MTUS1: variants seen among roughly 807,000 people sequenced by gnomAD.
MTUS1 encodes the protein microtubule associated scaffold protein 1, also known as microtubule-associated tumor suppressor 1.
MTUS1 carries 109 observed loss-of-function variants against 120.8 expected under a neutral mutation model. That is an observed-to-expected ratio of 0.90 (90% CI 0.77 to 1.06). The LOEUF (loss-of-function observed/expected upper bound fraction) is 1.06, where lower values mean the gene tolerates loss of function less well. MTUS1 is among the 50% of genes least tolerant of loss of function. The pLI, the probability that MTUS1 is intolerant of heterozygous loss-of-function variation, is 0.00. For missense variants in MTUS1, 2,210 were observed against 1,486.3 expected, an observed-to-expected ratio of 1.49 and a Z score of -8.01; for synonymous variants, 737 against 550.5, an observed-to-expected ratio of 1.34 and a Z score of -4.74.
intron 13 of MTUS1, 134 bp from the exon 14 acceptor site, chr8:17,647,213 T>C (rs777333975): frequency 9.5e-5 from 63 of 660,808 alleles, no homozygotes; most frequent in Non-Finnish European, 1.5e-4. Context: ...AAAATATTTA[T>C]ACACTAACAA....
At chr8:17,699,874 A>G (rs977671717) in intron 6 of MTUS1, among the ~76,000 whole-genome samples, 4 of 152,200 alleles carry the variant, frequency 2.6e-5, no homozygotes, top group Non-Finnish European at 5.9e-5. Context: ...TAACTGGATA[A>G]GCAATTACTT....
chr8:17,652,698 T>C (rs1458241810), intron 12 of MTUS1, among the ~76,000 whole-genome samples: 3 of 151,984 alleles, frequency 2.0e-5, no homozygotes, highest in Non-Finnish European at 4.4e-5. Flanking sequence ...TAGCTGGCCA[T>C]GGTGATGCGT....
chr8:17,658,740 G>A (rs1024081284), intron 8 of MTUS1, among the ~76,000 whole-genome samples: 20 of 152,136 alleles, frequency 1.3e-4, no homozygotes, highest in East Asian at 3.8e-4. Flanking sequence ...CCTAAGGAAC[G>A]TGAAAATGGC....
At position 17,649,833 on chromosome 8, in the gene MTUS1, G is replaced by T. The variant is rs1279254764; in HGVS notation, c.3501+13C>A. The T allele has an allele frequency of 7.2e-7, 1 of 1,398,284 alleles. No individual in the cohort carries two copies. The highest frequency in any genetic ancestry group is 1.0e-6 in the Non-Finnish European group (1 of 984,204). The allele number at this position is 1,398,284 out of a possible 1,614,324, so 86.6% of individuals were successfully genotyped here. ...CATTTGTAAGATCCTCTTTCATTCT[G>T]AAGGAAACATACCAGTTTCTCCATT... is the stretch of plus-strand genomic sequence containing the variant. On this transcript the variant is annotated intron_variant, in intron 13 of 14. Coordinates refer to ENST00000693296, the MANE Select transcript of MTUS1 (RefSeq NM_001363059.2).
intron 3 of MTUS1, among the ~76,000 whole-genome samples, chr8:17,736,603 G>C (rs1165507404): frequency 6.6e-6 from 1 of 150,566 alleles, no homozygotes; most frequent in African/African-American, 2.5e-5. Flanking sequence ...TGTTTTTTTT[G>C]AGATGGGGTC....
chr8:17,795,578 A>T (rs2052157122), intron 1 of MTUS1, among the ~76,000 whole-genome samples: 1 of 152,086 alleles, frequency 6.6e-6, no homozygotes, highest in Admixed American at 6.6e-5. Flanking sequence ...TCTAGGTTAG[A>T]ATGAGGGTAA....
At chr8:17,760,055 TC>T (rs11345931) in intron 1 of MTUS1, among the ~76,000 whole-genome samples, 28,227 of 142,668 alleles carry the variant, frequency 0.2, 3,261 homozygotes, top group South Asian at 0.49. Flanking sequence ...CGATTTCTTT[TC>T]TTTTTTTTTT....
rs201091356 is a variant in MTUS1 at position 17,755,053 on chromosome 8, T to C, written c.755A>G (p.Gln252Arg). ...TYTAFSDVVM[Q>R]SEVFVSDIGN... ...AATATCTGAAACAAAAACCTCACTT[T>C]GCATCACCACATCAGAAAATGCTGT... Residue 252 changes from glutamine to arginine, a missense_variant, in exon 2 of 15, where the codon CAA (glutamine) becomes CGA (arginine). Physicochemically the swap from Gln to Arg is conservative, Grantham distance 43. Transcript: ENST00000693296. The C allele has an allele frequency of 8.7e-6, 14 of 1,613,862 alleles. No homozygotes were observed. The highest frequency in any genetic ancestry group is 1.3e-5 in the African/African-American group (1 of 75,068).
At chr8:17,652,502 T>G (rs4497007) in intron 12 of MTUS1, among the ~76,000 whole-genome samples, 3,723 of 151,510 alleles carry the variant, frequency 0.025, 145 homozygotes, top group African/African-American at 0.084. Flanking sequence ...TTTGGGGGAA[T>G]GGGGAGTGAC....
At chr8:17,656,729 G>T (rs1162181212) in intron 8 of MTUS1, among the ~76,000 whole-genome samples, 1 of 151,992 alleles carries the variant, frequency 6.6e-6, no homozygotes, top group Non-Finnish European at 1.5e-5. Context: ...CTCCCAGCCA[G>T]CCAGTGTGGT....
rs576304406 is a variant in MTUS1, at chr8:17,698,543, G to C, written c.2624-14001C>G. Among the ~76,000 whole-genome samples the C allele has an allele frequency of 1.7e-3, 265 of 152,232 alleles. 4 individuals carry two copies. The highest frequency in any genetic ancestry group is 6.2e-3 in the African/African-American group (259 of 41,556). On this transcript the variant is annotated intron_variant, in intron 6 of 14. Coordinates refer to ENST00000693296, the MANE Select transcript of MTUS1 (RefSeq NM_001363059.2). Reference sequence around the variant, plus strand: ...AATGTTTTAAAAATGTCCTATGCCTGTTTCCAAGATTTCCTAGAAAATAAG... The same window carrying C: ...AATGTTTTAAAAATGTCCTATGCCTCTTTCCAAGATTTCCTAGAAAATAAG...
At chr8:17,737,738 C>A (rs539359956) in intron 3 of MTUS1, among the ~76,000 whole-genome samples, 1 of 152,202 alleles carries the variant, frequency 6.6e-6, no homozygotes, top group Non-Finnish European at 1.5e-5. Context: ...CCTCCCACTT[C>A]ATCCTCCCTA....
chr8:17,675,245 T>C lies in MTUS1; in HGVS notation c.2846A>G (p.Glu949Gly). The change falls in exon 8 of 15, where the codon GAA becomes GGA. Residue 949 changes from glutamate to glycine, a missense_variant. Glu to Gly is a moderately conservative substitution (Grantham distance 98). Transcript: ENST00000693296. ...VIQHLLSERE[E>G]ALKQHKTLSQ... is the part of the protein sequence containing the mutation. ...TAGGGTTTTGTGTTGTTTCAGTGCTTCCTCCCGCTGCGGAAAACACACATC... is the reference window on the plus strand; with the variant it reads ...TAGGGTTTTGTGTTGTTTCAGTGCTCCCTCCCGCTGCGGAAAACACACATC... The C allele has an allele frequency of 6.2e-7, 1 of 1,614,058 alleles. No individual in the cohort carries two copies. The highest frequency in any genetic ancestry group is 8.5e-7 in the Non-Finnish European group (1 of 1,179,974).
intron 6 of MTUS1, among the ~76,000 whole-genome samples, chr8:17,712,931 T>A (rs978907516): frequency 6.6e-6 from 1 of 152,216 alleles, no homozygotes; most frequent in African/African-American, 2.4e-5. Context: ...GCATTGATCT[T>A]GGGGGAAGTA....
Position 17,713,265 on chromosome 8 carries a change from A to G in MTUS1, c.2585-13T>C. ...TTTCTCGAAGGACCTAAGATATAAA[A>G]GAAACATGTAAAATACATATGTTTT... On this transcript the variant is annotated splice_polypyrimidine_tract_variant and intron_variant, in intron 5 of 14. Coordinates refer to ENST00000693296, the MANE Select transcript of MTUS1 (RefSeq NM_001363059.2). 1 of 1,467,930 alleles carries G rather than the reference A, an allele frequency of 6.8e-7. No individual in the cohort carries two copies. The highest frequency in any genetic ancestry group is 1.2e-5 in the South Asian group (1 of 86,152). The allele number at this position is 1,467,930 out of a possible 1,614,324, so 90.9% of individuals were successfully genotyped here.
At position 17,647,002 on chromosome 8, in the gene MTUS1, G is replaced by C. The variant is rs1042536245; in HGVS notation, c.3579C>G (p.Asp1193Glu). 38 of 1,613,640 alleles carry C rather than the reference G, an allele frequency of 2.4e-5. No homozygotes were observed. Among genetic ancestry groups the C allele is most frequent in the Non-Finnish European group, 3.1e-5 (37 of 1,179,778 alleles). The change falls in exon 14 of 15, where the codon GAC becomes GAG. Residue 1193 changes from aspartate (D) to glutamate (E), a missense_variant. Transcript: ENST00000693296. ...TTTACCTTGAGATTGCCATGTGCTT[G>C]TCCATCCGAGCTTTCAATTCTTCAT... ...QENEELKARM[D>E]KHMAISRQLS...
In MTUS1 at chr8:17,723,688, G is replaced by C. The variant is rs888740148; in HGVS notation, c.2433C>G (p.Ser811Arg). The change falls in exon 4 of 15, where the codon AGC becomes AGG. Residue 811 changes from serine to arginine, a missense_variant. Physicochemically the swap from Ser to Arg is moderately radical, Grantham distance 110 (BLOSUM62 -1). Transcript: ENST00000693296. ...PSIASTHSELSTYSNNSGNAA... is the reference protein window; with the variant it reads ...PSIASTHSELRTYSNNSGNAA... ...TCGACTTACAATTGTTGCTGTAAGT[G>C]CTCAGCTCACTGTGGGTGCTGGCTA... is the stretch of plus-strand genomic sequence containing the variant. 2.5e-6 allele frequency: 4 copies of C among 1,610,588 alleles called. No individual in the cohort carries two copies. Among genetic ancestry groups the C allele is most frequent in the Non-Finnish European group, 3.4e-6 (4 of 1,177,552 alleles).
chr8:17,720,120 A>C (rs2045713230), intron 4 of MTUS1, among the ~76,000 whole-genome samples: 2 of 152,132 alleles, frequency 1.3e-5, no homozygotes, highest in South Asian at 2.1e-4. Context: ...AGACGCAGGC[A>C]TATCACTTGT....
At chr8:17,799,525 G>T (rs896659777) in intron 1 of MTUS1, among the ~76,000 whole-genome samples, 1 of 152,056 alleles carries the variant, frequency 6.6e-6, no homozygotes, top group Non-Finnish European at 1.5e-5. Context: ...AGCAAGCACG[G>T]ATTACTTTTG....
Sources: allele counts gnomAD v4.1 joint callset (sites outside exome capture counted in the v4.1 genomes callset), GRCh38; gene constraint gnomAD v4.1.1; transcripts MANE v1.5; gene names NCBI Gene and HGNC (gene_info 2026-07-23, HGNC 2026-07-21).